ITGAD: variants seen among roughly 807,000 people sequenced by gnomAD.
The protein encoded by ITGAD is integrin subunit alpha D.
In ITGAD, 105 loss-of-function variants were observed where a neutral mutation model predicts 139.0. The observed-to-expected ratio is 0.76, with a 90% CI of 0.65 to 0.89. The LOEUF is 0.89. Ranked by LOEUF, ITGAD falls within the 40% of genes least tolerant of loss-of-function variation. The probability of loss-of-function intolerance (pLI) is 0.00; values close to 1 mark genes in which losing one functional copy is unlikely to be tolerated. For missense variants in ITGAD, 1,384 were observed against 1,487.3 expected, an observed-to-expected ratio of 0.93 and a Z score of 1.14; for synonymous variants, 569 against 598.3, an observed-to-expected ratio of 0.95 and a Z score of 0.71.
Position 31,426,107 on chromosome 16 carries a change from C to T in ITGAD, c.3465C>T (p.Ala1155=). ...GTGGGGACGATTTCAGCTGTGTGGCCCCAAATGTGCCTTTGTCCTAATAAT... is the reference window on the plus strand; with the variant it reads ...GTGGGGACGATTTCAGCTGTGTGGCTCCAAATGTGCCTTTGTCCTAATAAT... ...TFSGDDFSCV[A]PNVPLS is the part of the protein sequence containing the mutation. The change falls in exon 30 of 30, where the codon GCC becomes GCT. Residue 1155 remains alanine (A), a synonymous_variant. Coordinates refer to ENST00000389202, the MANE Select transcript of ITGAD (RefSeq NM_005353.3). The T allele has an allele frequency of 3.1e-6, 5 of 1,610,798 alleles. No individual in the cohort carries two copies. The highest frequency in any genetic ancestry group is 2.2e-5 in the East Asian group (1 of 44,868).
intron 16 of ITGAD, among the ~76,000 whole-genome samples, chr16:31,414,060 CATCT>C (rs770330992): frequency 2.2e-4 from 34 of 152,174 alleles, no homozygotes; most frequent in African/African-American, 3.1e-4. Flanking sequence ...CCAAATCTGT[CATCT>C]ATCTATTATC....
intron 2 of ITGAD, among the ~76,000 whole-genome samples, chr16:31,396,737 G>C (rs1390054787): frequency 6.6e-6 from 1 of 152,146 alleles, no homozygotes; most frequent in African/African-American, 2.4e-5. Flanking sequence ...AGGAGATTGT[G>C]GGTAGTGAGA....
chr16:31,402,275 T>C (rs966519900), intron 6 of ITGAD, 30 bp downstream of exon 6: 1 of 192,804 alleles, frequency 5.2e-6, no homozygotes, highest in African/African-American at 1.7e-4. Flanking sequence ...GGCTGGGGTT[T>C]GGGGGACGGG....
chr16:31,410,575 T>TGG, intron 11 of ITGAD, 51 bp downstream of exon 11: 1 of 1,210,338 alleles, frequency 8.3e-7, no homozygotes. Context: ...CTGCCCAGGG[T>TGG]GGGGTCCAGG....
Position 31,426,332 on chromosome 16 carries a change from A to C in ITGAD, c.*204A>C, listed in dbSNP as rs1295032257. 9.5e-6 allele frequency: 5 copies of C among 523,604 alleles called. No individual in the cohort carries two copies. The highest frequency in any genetic ancestry group is 3.8e-5 in the African/African-American group (2 of 52,024). The allele number at this position is 523,604 out of a possible 1,614,324, so 32.4% of individuals were successfully genotyped here. On this transcript the variant is annotated 3_prime_UTR_variant, in exon 30 of 30. Transcript: ENST00000389202. Reference sequence around the variant, plus strand: ...TCAGCAATGACCCACTTTTTACAGAAGCAGGCATGGTGCCAGCATAAATTT... The same window carrying C: ...TCAGCAATGACCCACTTTTTACAGACGCAGGCATGGTGCCAGCATAAATTT...
intron 4 of ITGAD, 40 bp downstream of exon 4, chr16:31,397,706 C>CCCCGGGGGGGGGGGGGGGGGGGG: frequency 3.3e-6 from 1 of 299,966 alleles, no homozygotes; most frequent in Non-Finnish European, 5.6e-6. Flanking sequence ...TGGGGTGGGG[C>CCCCGGGGGGGGGGGGGGGGGGGG]GGGGGGTGTT....
chr16:31,397,062 GTTTTTTTTTTTTTTT>G (rs539015704), intron 2 of ITGAD, among the ~76,000 whole-genome samples: 88 of 100,762 alleles, frequency 8.7e-4, no homozygotes, highest in African/African-American at 8.8e-4. Flanking sequence ...CTTTAAATAG[GTTTTTTTTTTTTTTT>G]TTTTTTTTTT....
At chr16:31,417,418 G>A (rs1387179385) in intron 20 of ITGAD, among the ~76,000 whole-genome samples, 2 of 151,486 alleles carry the variant, frequency 1.3e-5, no homozygotes, top group Admixed American at 6.6e-5. Flanking sequence ...ACACTTCCAG[G>A]TTATGAAAAT....
chr16:31,397,395 C>T lies in ITGAD; in HGVS notation c.174C>T (p.Ala58=). The change falls in exon 3 of 30, where the codon GCC becomes GCT. Residue 58 remains alanine (A), a synonymous_variant. Transcript: ENST00000389202. ...GAGCACCCCTGGAGGTGGTGGCGGC[C>T]AACCAGACGGGACGGCTGTATGACT... The part of the protein sequence containing the change: ...VVGAPLEVVA[A]NQTGRLYDCA... 6.2e-7 allele frequency: 1 copy of T among 1,604,524 alleles called. No homozygotes were observed. The highest frequency in any genetic ancestry group is 8.5e-7 in the Non-Finnish European group (1 of 1,176,148).
rs59917492 is a variant in ITGAD at position 31,417,462 on chromosome 16, T to A, written c.2500-613T>A. ...ATATTATATTCCAAAAGCTTCATGG[T>A]TTTGCTTTTTCACATTTAAGTATTT... On this transcript the variant is annotated intron_variant, in intron 20 of 29. Transcript: ENST00000389202. Among the ~76,000 whole-genome samples the A allele has an allele frequency of 3.2e-3, 480 of 152,070 alleles. 2 individuals carry two copies. Among genetic ancestry groups the A allele is most frequent in the African/African-American group, 0.011 (461 of 41,470 alleles).
At chr16:31,415,409 C>G (rs770728873) in intron 18 of ITGAD, among the ~76,000 whole-genome samples, 4 of 152,210 alleles carry the variant, frequency 2.6e-5, no homozygotes, top group Non-Finnish European at 5.9e-5. Context: ...TCCTCTCTGA[C>G]TTGGCCTCCT....
chr16:31,418,405 C>A (rs1331781241), intron 22 of ITGAD, 25 bp downstream of exon 22: 1 of 1,609,022 alleles, frequency 6.2e-7, no homozygotes, highest in Non-Finnish European at 8.5e-7. Flanking sequence ...GGGTATCCCC[C>A]ACCCTCCATC....
At chr16:31,421,768 G>A (rs1241754909) in intron 23 of ITGAD, among the ~76,000 whole-genome samples, 1 of 152,120 alleles carries the variant, frequency 6.6e-6, no homozygotes, top group Non-Finnish European at 1.5e-5. Context: ...CAGTGACTCA[G>A]GTAGGAAGTG....
At chr16:31,423,692 C>G in intron 26 of ITGAD, 44 bp downstream of exon 26, 1 of 1,572,824 alleles carries the variant, frequency 6.4e-7, no homozygotes, top group South Asian at 1.1e-5. Flanking sequence ...CAGCCCCCAC[C>G]GGGGATACTG....
At position 31,410,790 on chromosome 16, in the gene ITGAD, C is replaced by T. The variant is rs762240834; in HGVS notation, c.1268C>T (p.Ala423Val). ...GGGGTACAGAACCTGGTCCTGGGGG[C>T]CCCCCGCTACCAGCATACCGGGAAG... ...WKGVQNLVLG[A>V]PRYQHTGKAV... The change falls in exon 12 of 30, where the codon GCC becomes GTC. Residue 423 changes from alanine (A) to valine (V), a missense_variant. Physicochemically the swap from Ala to Val is moderately conservative, Grantham distance 64. Coordinates refer to ENST00000389202, the MANE Select transcript of ITGAD (RefSeq NM_005353.3). The T allele has an allele frequency of 6.2e-6, 10 of 1,613,398 alleles. No individual in the cohort carries two copies. Among genetic ancestry groups the T allele is most frequent in the Admixed American group, 1.7e-5 (1 of 59,964 alleles).
intron 20 of ITGAD, among the ~76,000 whole-genome samples, chr16:31,417,864 T>C (rs1343979414): frequency 6.6e-6 from 1 of 152,106 alleles, no homozygotes; most frequent in African/African-American, 2.4e-5. Context: ...GGGGAATTGC[T>C]TGAACCCAGG....
At chr16:31,411,597 T>A in intron 14 of ITGAD, 80 bp downstream of exon 14, 1 of 1,339,268 alleles carries the variant, frequency 7.5e-7, no homozygotes, top group Non-Finnish European at 1.1e-6. Context: ...CCTGTCTCTG[T>A]CACCATTCCC....
Position 31,397,448 on chromosome 16 carries a change from C to A in ITGAD, c.227C>A (p.Pro76His). The A allele has an allele frequency of 6.3e-7, 1 of 1,596,500 alleles. No homozygotes were observed. The highest frequency in any genetic ancestry group is 1.7e-5 in the Admixed American group (1 of 57,314). The change falls in exon 3 of 30, where the codon CCC becomes CAC. Residue 76 changes from proline to histidine, a missense_variant. Physicochemically the swap from Pro to His is moderately conservative, Grantham distance 77 (BLOSUM62 -2). Coordinates refer to ENST00000389202, the MANE Select transcript of ITGAD (RefSeq NM_005353.3). The part of the protein sequence containing the change: ...DCAAATGMCQ[P>H]IPLHIRPEAV... ...GCAGCTGCCACCGGCATGTGCCAGC[C>A]CATCCCGCTGCACAGTGAGTGACCA...
Position 31,402,251 on chromosome 16 carries a change from G to T in ITGAD, c.558+6G>T. 7.4e-7 allele frequency: 1 copy of T among 1,343,770 alleles called. No individual in the cohort carries two copies. Among genetic ancestry groups the T allele is most frequent in the South Asian group, 1.2e-5 (1 of 85,480 alleles). The allele number at this position is 1,343,770 out of a possible 1,614,324, so 83.2% of individuals were successfully genotyped here. On this transcript the variant is annotated splice_donor_region_variant and intron_variant, in intron 6 of 29. Coordinates refer to ENST00000389202, the MANE Select transcript of ITGAD (RefSeq NM_005353.3). ...TTGAGGGCACTGACACCCTGGTGAA[G>T]ACTGGGCACCTGGGGCTGGGGTTTG...
Sources: allele counts gnomAD v4.1 joint callset (sites outside exome capture counted in the v4.1 genomes callset), GRCh38; gene constraint gnomAD v4.1.1; transcripts MANE v1.5; gene names NCBI Gene and HGNC (gene_info 2026-07-23, HGNC 2026-07-21).